FOXP1: variants seen among roughly 807,000 people sequenced by gnomAD.
The protein encoded by FOXP1 is forkhead box P1.
FOXP1 carries 15 observed loss-of-function variants against 98.2 expected under a neutral mutation model. That is an observed-to-expected ratio of 0.15 (90% CI 0.10 to 0.24). The LOEUF is 0.24. FOXP1 is among the 10% of genes least tolerant of loss of function. FOXP1 has a pLI of 1.00. For missense variants in FOXP1, 633 were observed against 848.5 expected, an observed-to-expected ratio of 0.75 and a Z score of 3.15; for synonymous variants, 371 against 314.5, an observed-to-expected ratio of 1.18 and a Z score of -1.90.
Position 70,958,382 on chromosome 3 carries a change from G to C in FOXP1, c.*865C>G. On this transcript the variant is annotated 3_prime_UTR_variant, in exon 21 of 21. Transcript: ENST00000649528. ...CTGTGTGAGAGGGCCTTCATGTGTA[G>C]AGTGCAGCATTTGGGACCTTTTTGA... 3 of 527,454 alleles carry C rather than the reference G, an allele frequency of 5.7e-6. No individual in the cohort carries two copies. Among genetic ancestry groups the C allele is most frequent in the South Asian group, 4.7e-5 (3 of 63,796 alleles). The allele number at this position is 527,454 out of a possible 1,614,324, so 32.7% of individuals were successfully genotyped here.
chr3:71,254,674 G>A (rs571616302), intron 5 of FOXP1, among the ~76,000 whole-genome samples: 13 of 152,292 alleles, frequency 8.5e-5, no homozygotes, highest in African/African-American at 3.1e-4. Flanking sequence ...ACACACTGAA[G>A]AGGGCTTTAC....
At chr3:70,988,153 A>G in intron 13 of FOXP1, 76 bp from the exon 14 acceptor site, 6 of 1,259,590 alleles carry the variant, frequency 4.8e-6, no homozygotes, top group Non-Finnish European at 7.0e-6. Flanking sequence ...GATACATATT[A>G]CAAATTACGC....
intron 5 of FOXP1, among the ~76,000 whole-genome samples, chr3:71,233,496 A>G (rs2066506596): frequency 6.6e-6 from 1 of 151,862 alleles, no homozygotes; most frequent in South Asian, 2.1e-4. Context: ...GCGCGATCTC[A>G]GCTCACTGCA....
intron 5 of FOXP1, among the ~76,000 whole-genome samples, chr3:71,201,154 T>C (rs1407096771): frequency 6.6e-6 from 1 of 152,236 alleles, no homozygotes; most frequent in Non-Finnish European, 1.5e-5. Flanking sequence ...TGCAGTTATA[T>C]TCTTACTGTC....
At chr3:71,540,895 G>A (rs1021500812) in intron 2 of FOXP1, among the ~76,000 whole-genome samples, 2 of 152,156 alleles carry the variant, frequency 1.3e-5, no homozygotes, top group African/African-American at 4.8e-5. Context: ...AAGATTAGAA[G>A]GAAACAAGGT....
Position 71,526,695 on chromosome 3 carries a change from C to T in FOXP1, c.-297-33140G>A, listed in dbSNP as rs142449048. ...CTAGAAAAACATTCCCAGCCAGGCA[C>T]GGTGGCTCACGCCTATAATCCCAGC... is the stretch of plus-strand genomic sequence containing the variant. On this transcript the variant is annotated intron_variant, in intron 2 of 20. Transcript: ENST00000649528. 3.6e-3 allele frequency among the ~76,000 whole-genome samples: 551 copies of T among 152,254 alleles called. 1 individual carries two copies. The highest frequency in any genetic ancestry group is 5.7e-3 in the Non-Finnish European group (386 of 68,008).
intron 3 of FOXP1, among the ~76,000 whole-genome samples, chr3:71,426,668 T>C (rs925837025): frequency 2.0e-5 from 3 of 152,214 alleles, no homozygotes; most frequent in African/African-American, 7.2e-5. Flanking sequence ...TTCTCAATTC[T>C]ATGCATGGTG....
At chr3:71,379,530 G>A (rs2079983373) in intron 3 of FOXP1, among the ~76,000 whole-genome samples, 2 of 151,962 alleles carry the variant, frequency 1.3e-5, no homozygotes, top group African/African-American at 2.4e-5. Context: ...TACAGTCCAC[G>A]GGCCAAACCC....
At chr3:71,393,541 A>G (rs2108138958) in intron 3 of FOXP1, among the ~76,000 whole-genome samples, 1 of 152,326 alleles carries the variant, frequency 6.6e-6, no homozygotes, top group South Asian at 2.1e-4. Flanking sequence ...ACCTGCCTTT[A>G]AAACCAAATT....
intron 6 of FOXP1, among the ~76,000 whole-genome samples, chr3:71,146,763 C>A (rs1424214561): frequency 2.6e-5 from 4 of 152,196 alleles, no homozygotes; most frequent in African/African-American, 9.7e-5. Flanking sequence ...GACTCTGAGG[C>A]AGCAACATGG....
At chr3:71,418,115 G>GT (rs1577393113) in intron 3 of FOXP1, among the ~76,000 whole-genome samples, 2 of 128,306 alleles carry the variant, frequency 1.6e-5, no homozygotes, top group East Asian at 4.2e-4. Context: ...GTGTGCTTGT[G>GT]GGTGTGTGTG....
chr3:71,044,459 A>C (rs1218416785), intron 10 of FOXP1, among the ~76,000 whole-genome samples: 1 of 152,212 alleles, frequency 6.6e-6, no homozygotes, highest in Non-Finnish European at 1.5e-5. Flanking sequence ...AACAGAAAGA[A>C]GACCCTACAA....
intron 6 of FOXP1, among the ~76,000 whole-genome samples, chr3:71,113,518 G>T (rs1479449225): frequency 1.3e-5 from 2 of 152,048 alleles, no homozygotes; most frequent in Non-Finnish European, 2.9e-5. Flanking sequence ...TTCGAGAACA[G>T]CCTGGCCAAC....
chr3:71,499,267 C>T (rs2041148474), intron 2 of FOXP1, among the ~76,000 whole-genome samples: 1 of 152,210 alleles, frequency 6.6e-6, no homozygotes, highest in African/African-American at 2.4e-5. Flanking sequence ...TCCTCTGCCT[C>T]CCCTAGTCCA....
At chr3:71,204,994 T>C (rs1404907706) in intron 5 of FOXP1, among the ~76,000 whole-genome samples, 2 of 152,156 alleles carry the variant, frequency 1.3e-5, no homozygotes, top group Non-Finnish European at 2.9e-5. Flanking sequence ...CGTCTTCCAA[T>C]ACCACATTTT....
intron 5 of FOXP1, among the ~76,000 whole-genome samples, chr3:71,282,757 A>G (rs558751373): frequency 3.1e-4 from 47 of 152,266 alleles, no homozygotes; most frequent in East Asian, 1.9e-3. Flanking sequence ...GCATTCCTAT[A>G]AGGCAGGTCC....
chr3:71,077,389 T>G (rs1192199594), intron 7 of FOXP1, among the ~76,000 whole-genome samples: 1 of 152,128 alleles, frequency 6.6e-6, no homozygotes, highest in African/African-American at 2.4e-5. Context: ...ATGACCTAAG[T>G]GGGGAGTGGG....
intron 4 of FOXP1, among the ~76,000 whole-genome samples, chr3:71,357,636 A>G (rs946558176): frequency 6.6e-6 from 1 of 152,188 alleles, no homozygotes; most frequent in Non-Finnish European, 1.5e-5. Flanking sequence ...ATAGGATGTA[A>G]GCAGGCATCA....
intron 6 of FOXP1, among the ~76,000 whole-genome samples, chr3:71,187,821 G>GTAA (rs1560085365): frequency 6.6e-6 from 1 of 152,064 alleles, no homozygotes; most frequent in African/African-American, 2.4e-5. Flanking sequence ...ATGAGGAAAG[G>GTAA]TAAGCAATAT....
Sources: gnomAD v4.1 joint callset for allele counts (sites outside exome capture counted in the v4.1 genomes callset) on GRCh38, gnomAD v4.1.1 for gene constraint, MANE v1.5 for transcripts, NCBI Gene and HGNC (gene_info 2026-07-23, HGNC 2026-07-21) for gene names.